The following SEZ6L variants were observed in gnomAD, a reference collection of about 807,000 sequenced individuals.
SEZ6L encodes seizure related 6 homolog like, also known as seizure 6-like protein.
Under a neutral mutation model 106.2 loss-of-function variants are expected in SEZ6L, and 37 were observed. The observed-to-expected ratio is 0.35, with a 90% CI of 0.27 to 0.46. SEZ6L has a LOEUF of 0.46. Among genes scored for constraint, SEZ6L ranks in the 20% least tolerant of loss-of-function variants. The pLI, the probability that SEZ6L is intolerant of heterozygous loss-of-function variation, is 1.00. For synonymous variants in SEZ6L, 541 were observed against 570.4 expected (o/e 0.95, Z 0.73); for missense variants, 1,172 against 1,332.8 (o/e 0.88, Z 1.88).
chr22:26,269,494 T>C (rs1306345492), intron 1 of SEZ6L, among the ~76,000 whole-genome samples: 1 of 148,040 alleles, frequency 6.8e-6, no homozygotes, highest in Non-Finnish European at 1.5e-5. Context: ...ACCTCGTTGT[T>C]TGCTGATCTG....
intron 10 of SEZ6L, among the ~76,000 whole-genome samples, chr22:26,341,595 C>T (rs1489717756): frequency 6.6e-6 from 1 of 152,176 alleles, no homozygotes; most frequent in Non-Finnish European, 1.5e-5. Context: ...CTATCCAACT[C>T]CCTGCCAACT....
Position 26,284,280 on chromosome 22 carries a change from G to C in SEZ6L, c.95-8126G>C, listed in dbSNP as rs139881358. On this transcript the variant is annotated intron_variant, in intron 1 of 16. Coordinates refer to ENST00000248933, the MANE Select transcript of SEZ6L (RefSeq NM_021115.5). The stretch of plus-strand genomic sequence containing the variant: ...TGCCTTTTAAAGTGAAAATATGTAA[G>C]TGTTTTTATATCAATACATTTTATT... Among the ~76,000 whole-genome samples the C allele has an allele frequency of 4.7e-3, 717 of 152,276 alleles. 4 individuals are homozygous for C. The highest frequency in any genetic ancestry group is 0.017 in the African/African-American group (689 of 41,556).
At chr22:26,275,538 G>A (rs1447883397) in intron 1 of SEZ6L, among the ~76,000 whole-genome samples, 2 of 152,078 alleles carry the variant, frequency 1.3e-5, no homozygotes, top group South Asian at 2.1e-4. Flanking sequence ...TTATACAGAG[G>A]GTAAGTTGAG....
rs191538862 is a variant in SEZ6L, at chr22:26,258,238, C to A, written c.95-34168C>A. On this transcript the variant is annotated intron_variant, in intron 1 of 16. Coordinates refer to ENST00000248933, the MANE Select transcript of SEZ6L (RefSeq NM_021115.5). Reference sequence around the variant, plus strand: ...ATATCCATTCATTCAACAGGTGCTCCCCGAGTTTAAACCCCACATCAGGCA... The same window carrying A: ...ATATCCATTCATTCAACAGGTGCTCACCGAGTTTAAACCCCACATCAGGCA... Among the ~76,000 whole-genome samples, 31 of 152,200 alleles carry A rather than the reference C, an allele frequency of 2.0e-4. No individual in the cohort carries two copies. In the East Asian group the frequency reaches 4.1e-3, roughly 20 times the overall value.
intron 1 of SEZ6L, among the ~76,000 whole-genome samples, chr22:26,279,061 C>T (rs966981170): frequency 1.1e-4 from 16 of 151,032 alleles, no homozygotes; most frequent in African/African-American, 3.9e-4. Flanking sequence ...CAACTTCCCC[C>T]CCAACCACGT....
At chr22:26,190,095 TAA>T (rs537566967) in intron 1 of SEZ6L, among the ~76,000 whole-genome samples, 8 of 130,260 alleles carry the variant, frequency 6.1e-5, no homozygotes, top group Admixed American at 1.6e-4. Context: ...AGACTGTGTC[TAA>T]AAAAAAAAAA....
chr22:26,307,603 C>T (rs998020149), intron 6 of SEZ6L, among the ~76,000 whole-genome samples: 12 of 152,092 alleles, frequency 7.9e-5, no homozygotes, highest in Non-Finnish European at 1.5e-4. Context: ...TGTAAGGTAT[C>T]AAGCAGGGGC....
In SEZ6L at chr22:26,311,864, C is replaced by T. The variant is rs757104987; in HGVS notation, c.1778C>T (p.Thr593Ile). 1.2e-6 allele frequency: 2 copies of T among 1,614,176 alleles called. No homozygotes were observed. Among genetic ancestry groups the T allele is most frequent in the East Asian group, 2.2e-5 (1 of 44,886 alleles). ...TYNIGTIVEF[T>I]CDPGHSLEQG... is the part of the protein sequence containing the mutation. ...AACATTGGGACTATAGTGGAGTTCACCTGCGACCCCGGCCACTCCCTGGAG... is the reference window on the plus strand; with the variant it reads ...AACATTGGGACTATAGTGGAGTTCATCTGCGACCCCGGCCACTCCCTGGAG... Residue 593 changes from threonine (T) to isoleucine (I), a missense_variant, in exon 8 of 17, where the codon ACC (threonine) becomes ATC (isoleucine). Thr to Ile is a moderately conservative substitution (Grantham distance 89, BLOSUM62 -1). Coordinates refer to ENST00000248933, the MANE Select transcript of SEZ6L (RefSeq NM_021115.5).
rs114301205 is a variant in SEZ6L, at chr22:26,327,639, G to A, written c.2016-12797G>A. Among the ~76,000 whole-genome samples the A allele has an allele frequency of 3.7e-3, 446 of 120,734 alleles. 3 individuals carry two copies. Among genetic ancestry groups the A allele is most frequent in the South Asian group, 0.034 (122 of 3,592 alleles). The allele number at this position is 120,734 out of a possible 152,430, so 79.2% of individuals were successfully genotyped here. ...ACATGACACTAAACACACACCACAC[G>A]CACCACATGACACACCACGCCCACA... On this transcript the variant is annotated intron_variant, in intron 9 of 16. Coordinates refer to ENST00000248933, the MANE Select transcript of SEZ6L (RefSeq NM_021115.5).
At chr22:26,210,395 C>A (rs921851974) in intron 1 of SEZ6L, among the ~76,000 whole-genome samples, 2 of 152,102 alleles carry the variant, frequency 1.3e-5, no homozygotes, top group Non-Finnish European at 2.9e-5. Context: ...TGAGTGGGTT[C>A]TAATAAAGGA....
At chr22:26,243,261 G>A (rs537082861) in intron 1 of SEZ6L, among the ~76,000 whole-genome samples, 14 of 152,322 alleles carry the variant, frequency 9.2e-5, no homozygotes, top group Admixed American at 3.3e-4. Flanking sequence ...GAGACAATTT[G>A]ACCCACCACA....
intron 1 of SEZ6L, among the ~76,000 whole-genome samples, chr22:26,291,080 G>T (rs1256106472): frequency 1.3e-5 from 2 of 152,138 alleles, no homozygotes; most frequent in Admixed American, 6.5e-5. Context: ...CCCATTACTG[G>T]GTCCCATTAC....
chr22:26,321,872 C>A (rs1264201716), intron 9 of SEZ6L, among the ~76,000 whole-genome samples: 1 of 152,080 alleles, frequency 6.6e-6, no homozygotes, highest in Non-Finnish European at 1.5e-5. Context: ...ACGTAAGCCA[C>A]ATTTCCCAGG....
At position 26,381,943 on chromosome 22, in the gene SEZ6L, G is replaced by A; in HGVS notation, c.*1648G>A. On this transcript the variant is annotated 3_prime_UTR_variant, in exon 17 of 17. Transcript: ENST00000248933. The stretch of plus-strand genomic sequence containing the variant: ...CTGGCCATAGGGAGAATAGCAGGGA[G>A]TCTATGTTTTGGTGGTTACATTGGA... 2.0e-6 allele frequency: 1 copy of A among 503,528 alleles called. No individual in the cohort carries two copies. The highest frequency in any genetic ancestry group is 1.4e-5 in the South Asian group (1 of 69,058). The allele number at this position is 503,528 out of a possible 1,614,324, so 31.2% of individuals were successfully genotyped here.
chr22:26,356,657 TA>T (rs2083445452), intron 12 of SEZ6L, among the ~76,000 whole-genome samples: 1 of 64,092 alleles, frequency 1.6e-5, no homozygotes, highest in Non-Finnish European at 3.9e-5. Flanking sequence ...ATAATAATAA[TA>T]ATAATAATAA....
chr22:26,367,001 C>T (rs1296349792), intron 13 of SEZ6L, among the ~76,000 whole-genome samples: 3 of 152,226 alleles, frequency 2.0e-5, no homozygotes, highest in Non-Finnish European at 4.4e-5. Flanking sequence ...CACTCAATAT[C>T]GCTCCTGTTG....
chr22:26,371,276 G>A (rs977056115), intron 13 of SEZ6L, among the ~76,000 whole-genome samples: 7 of 152,138 alleles, frequency 4.6e-5, no homozygotes, highest in Non-Finnish European at 7.4e-5. Context: ...CCTCAAAGCA[G>A]GATTGATGGT....
chr22:26,189,288 G>A (rs1171483682), intron 1 of SEZ6L, among the ~76,000 whole-genome samples: 1 of 152,182 alleles, frequency 6.6e-6, no homozygotes, highest in Non-Finnish European at 1.5e-5. Context: ...ACTTGTCCGG[G>A]ATTTTATGTT....
In SEZ6L at chr22:26,380,318, G is replaced by T; in HGVS notation, c.*23G>T. ...TAAAGAGAGCTACACTTGAGAAGGG[G>T]ACTTGTGAACTCAACCACAATCTCC... On this transcript the variant is annotated 3_prime_UTR_variant, in exon 17 of 17. Coordinates refer to ENST00000248933, the MANE Select transcript of SEZ6L (RefSeq NM_021115.5). 2.5e-6 allele frequency: 4 copies of T among 1,608,264 alleles called. No homozygotes were observed. The highest frequency in any genetic ancestry group is 3.4e-6 in the Non-Finnish European group (4 of 1,174,864).
Sources: allele counts gnomAD v4.1 joint callset (sites outside exome capture counted in the v4.1 genomes callset), GRCh38; gene constraint gnomAD v4.1.1; transcripts MANE v1.5; gene names NCBI Gene and HGNC (gene_info 2026-07-23, HGNC 2026-07-21).